Variants in TCAIM observed in about 807,000 individuals in gnomAD.
TCAIM encodes T-cell activation inhibitor, mitochondrial.
Under a neutral mutation model 58.6 loss-of-function variants are expected in TCAIM, and 36 were observed. The ratio of observed to expected loss-of-function variants is 0.61; its 90% CI spans 0.47 to 0.81. The LOEUF is 0.81. Ranked by LOEUF, TCAIM falls within the 30% of genes least tolerant of loss-of-function variation. TCAIM has a pLI of 0.00. For synonymous variants in TCAIM, 172 were observed against 193.6 expected, an observed-to-expected ratio of 0.89 and a Z score of 0.93; for missense variants, 466 against 579.6, an observed-to-expected ratio of 0.80 and a Z score of 2.01.
rs754463136 is a variant in TCAIM, at chr3:44,392,835, A to T, written c.573-20A>T. On this transcript the variant is annotated intron_variant, in intron 5 of 10. Transcript: ENST00000342649. The stretch of plus-strand genomic sequence containing the variant: ...TATATTATAGTTAGTATTGTAAAGT[A>T]TGTATCTCTCTCTTTCTAGATCCTG... 6.2e-7 allele frequency: 1 copy of T among 1,606,500 alleles called. No homozygotes were observed. Among genetic ancestry groups the T allele is most frequent in the Non-Finnish European group, 8.5e-7 (1 of 1,175,582 alleles).
intron 1 of TCAIM, among the ~76,000 whole-genome samples, chr3:44,353,784 CATT>C (rs529271135): frequency 1.6e-3 from 238 of 152,272 alleles, no homozygotes; most frequent in African/African-American, 5.5e-3. Flanking sequence ...CTTGTTTTCT[CATT>C]GTTAAGCTTT....
Position 44,370,287 on chromosome 3 carries a change from C to G in TCAIM, c.572+2579C>G, listed in dbSNP as rs374217938. ...CCATCCTGGCTAACACGGTGAAACC[C>G]CGTCTCTACTAAAAATACAAAAAAT... On this transcript the variant is annotated intron_variant, in intron 5 of 10. Coordinates refer to ENST00000342649, the MANE Select transcript of TCAIM (RefSeq NM_173826.4). Among the ~76,000 whole-genome samples, 400 of 152,046 alleles carry G rather than the reference C, an allele frequency of 2.6e-3. 5 individuals carry two copies. The highest frequency in any genetic ancestry group is 9.3e-3 in the African/African-American group (387 of 41,480).
At chr3:44,353,233 T>C (rs537950877) in intron 1 of TCAIM, among the ~76,000 whole-genome samples, 5 of 113,862 alleles carry the variant, frequency 4.4e-5, no homozygotes, top group African/African-American at 1.0e-4. Context: ...CTTCTTTAAC[T>C]TAGTAGTATC....
chr3:44,383,572 T>C (rs970136512), intron 5 of TCAIM, among the ~76,000 whole-genome samples: 1 of 152,152 alleles, frequency 6.6e-6, no homozygotes. Context: ...GTGTTTAATG[T>C]GTACAGAGTT....
chr3:44,352,267 T>G (rs1235458913), intron 1 of TCAIM, among the ~76,000 whole-genome samples: 1 of 152,046 alleles, frequency 6.6e-6, no homozygotes, highest in Non-Finnish European at 1.5e-5. Flanking sequence ...AAAGAATTTT[T>G]TATCTGATGG....
intron 5 of TCAIM, among the ~76,000 whole-genome samples, chr3:44,389,746 T>TAA (rs5848697): frequency 0.016 from 2,349 of 147,710 alleles, 28 homozygotes; most frequent in Non-Finnish European, 0.02. Flanking sequence ...GTCATTGAAT[T>TAA]AAAAAAAAAA....
chr3:44,357,266 G>T (rs1388420204), intron 2 of TCAIM, among the ~76,000 whole-genome samples: 1 of 151,416 alleles, frequency 6.6e-6, no homozygotes, highest in Non-Finnish European at 1.5e-5. Context: ...TACTTGGGAG[G>T]GTAAGGTGGG....
At chr3:44,350,105 G>A (rs1389233678) in intron 1 of TCAIM, among the ~76,000 whole-genome samples, 1 of 151,832 alleles carries the variant, frequency 6.6e-6, no homozygotes, top group Non-Finnish European at 1.5e-5. Context: ...CTGGGTGCAG[G>A]CAGGCTGAGT....
At chr3:44,404,897 G>A (rs1442367992) in intron 10 of TCAIM, among the ~76,000 whole-genome samples, 2 of 151,522 alleles carry the variant, frequency 1.3e-5, no homozygotes, top group Non-Finnish European at 2.9e-5. Flanking sequence ...AAAAGAAAAG[G>A]AGCCAGAGGC....
Position 44,361,432 on chromosome 3 carries a change from A to G in TCAIM, c.233A>G (p.Lys78Arg), listed in dbSNP as rs1701293902. ...YLENLQKPGFKSLKPTQLTFY... is the reference protein window; with the variant it reads ...YLENLQKPGFRSLKPTQLTFY... Reference sequence around the variant, plus strand: ...GAAAACCTCCAGAAACCAGGCTTCAAGTCTTTGAAACCAACTCAGCTTACA... The same window carrying G: ...GAAAACCTCCAGAAACCAGGCTTCAGGTCTTTGAAACCAACTCAGCTTACA... Residue 78 changes from lysine (K) to arginine (R), a missense_variant, in exon 4 of 11, where the codon AAG (lysine) becomes AGG (arginine). Transcript: ENST00000342649. 1.9e-6 allele frequency: 3 copies of G among 1,613,202 alleles called. No individual in the cohort carries two copies. In the African/African-American group the frequency reaches 4.0e-5, roughly 22 times the overall value.
chr3:44,390,388 C>T (rs977312454), intron 5 of TCAIM, among the ~76,000 whole-genome samples: 8 of 152,162 alleles, frequency 5.3e-5, no homozygotes, highest in East Asian at 1.9e-4. Context: ...GATGCCAACG[C>T]GGGAGGATCA....
chr3:44,371,751 G>C (rs1368554694), intron 5 of TCAIM, among the ~76,000 whole-genome samples: 1 of 152,094 alleles, frequency 6.6e-6, no homozygotes, highest in Non-Finnish European at 1.5e-5. Flanking sequence ...AGGAACCTCT[G>C]CTGAGGGTTT....
intron 4 of TCAIM, among the ~76,000 whole-genome samples, chr3:44,366,467 T>G (rs1195596872): frequency 1.4e-5 from 2 of 140,144 alleles, no homozygotes; most frequent in East Asian, 2.1e-4. Context: ...TTTGTTGTTT[T>G]TTTTTTTTTT....
chr3:44,366,291 C>CTT (rs781064809), intron 4 of TCAIM, among the ~76,000 whole-genome samples: 3 of 144,348 alleles, frequency 2.1e-5, no homozygotes, highest in Non-Finnish European at 3.1e-5. Context: ...AAATCAGTAA[C>CTT]TTTTTTTTTT....
At chr3:44,390,819 A>G (rs1701822253) in intron 5 of TCAIM, among the ~76,000 whole-genome samples, 1 of 152,120 alleles carries the variant, frequency 6.6e-6, no homozygotes, top group African/African-American at 2.4e-5. Flanking sequence ...AAAAAATAAT[A>G]AGAAGAAAGG....
chr3:44,365,534 G>T (rs541680144), intron 4 of TCAIM, among the ~76,000 whole-genome samples: 2 of 152,022 alleles, frequency 1.3e-5, no homozygotes, highest in Non-Finnish European at 2.9e-5. Context: ...CACCTTGTTG[G>T]CCAGGCTGGT....
At chr3:44,364,030 G>A (rs1343761447) in intron 4 of TCAIM, among the ~76,000 whole-genome samples, 1 of 144,948 alleles carries the variant, frequency 6.9e-6, no homozygotes, top group Admixed American at 7.3e-5. Flanking sequence ...CCAGGTTCAA[G>A]TGATTCTTCT....
chr3:44,380,039 TAAAA>T (rs995758887), intron 5 of TCAIM, among the ~76,000 whole-genome samples: 2 of 147,402 alleles, frequency 1.4e-5, no homozygotes, highest in African/African-American at 2.5e-5. Context: ...AGACCTAAAA[TAAAA>T]AAAAAATTAA....
chr3:44,400,310 A>T (rs1702001170), intron 8 of TCAIM, 45 bp from the exon 9 acceptor site: 2 of 1,385,094 alleles, frequency 1.4e-6, no homozygotes, highest in African/African-American at 2.9e-5. Flanking sequence ...AAATTATTAT[A>T]GTAACATAAA....
Sources: gnomAD v4.1 joint callset for allele counts (sites outside exome capture counted in the v4.1 genomes callset) on GRCh38, gnomAD v4.1.1 for gene constraint, MANE v1.5 for transcripts, NCBI Gene and HGNC (gene_info 2026-07-23, HGNC 2026-07-21) for gene names.